AP1M1: variants seen among roughly 807,000 people sequenced by gnomAD.
AP1M1 encodes the protein adaptor related protein complex 1 subunit mu 1.
AP1M1 carries 18 observed loss-of-function variants against 57.1 expected under a neutral mutation model. The observed-to-expected ratio is 0.32, with a 90% CI of 0.22 to 0.47. AP1M1 has a LOEUF of 0.47. AP1M1 is among the 20% of genes least tolerant of loss of function. The pLI is 1.00. For missense variants in AP1M1, 362 were observed against 593.5 expected (o/e 0.61, Z 4.05); for synonymous variants, 241 against 237.9 (o/e 1.01, Z -0.12).
chr19:16,204,437 A>G (rs1273185870), intron 2 of AP1M1, among the ~76,000 whole-genome samples: 2 of 152,166 alleles, frequency 1.3e-5, no homozygotes, highest in Non-Finnish European at 2.9e-5. Flanking sequence ...TCCAGCAGCC[A>G]TGGGGGATCC....
chr19:16,226,398 C>T (rs763154481), intron 5 of AP1M1, 23 bp from the exon 6 acceptor site: 4 of 1,516,568 alleles, frequency 2.6e-6, no homozygotes, highest in Admixed American at 2.0e-5. Context: ...GACCTCCCCT[C>T]ACGCCCACAC....
In AP1M1 at chr19:16,235,438, C is replaced by T. The variant is rs746919444; in HGVS notation, c.*1003C>T. Reference sequence around the variant, plus strand: ...GTCGCCGACCTTCCCTGTGGCCCCACGAGGTGTCACCAGCTCCCTCTGCTT... The same window carrying T: ...GTCGCCGACCTTCCCTGTGGCCCCATGAGGTGTCACCAGCTCCCTCTGCTT... On this transcript the variant is annotated 3_prime_UTR_variant, in exon 12 of 12. Coordinates refer to ENST00000291439, the MANE Select transcript of AP1M1 (RefSeq NM_032493.4). 6.6e-6 allele frequency: 1 copy of T among 152,256 alleles called. No individual in the cohort carries two copies. Among genetic ancestry groups the T allele is most frequent in the African/African-American group, 2.4e-5 (1 of 41,450 alleles). The allele number at this position is 152,256 out of a possible 1,614,324, so 9.4% of individuals were successfully genotyped here.
Position 16,226,410 on chromosome 19 carries a change from G to A in AP1M1, c.547-11G>A, listed in dbSNP as rs372660140. 7 of 1,523,110 alleles carry A rather than the reference G, an allele frequency of 4.6e-6. No individual in the cohort carries two copies. Among genetic ancestry groups the A allele is most frequent in the Non-Finnish European group, 5.3e-6 (6 of 1,131,316 alleles). 94.3% of individuals were successfully genotyped at this position (1,523,110 alleles called of 1,614,324 possible). ...GGGGACCTCCCCTCACGCCCACACC[G>A]CCACCCCCAGGTCAGCGCCAACGGC... On this transcript the variant is annotated splice_polypyrimidine_tract_variant and intron_variant, in intron 5 of 11. Coordinates refer to ENST00000291439, the MANE Select transcript of AP1M1 (RefSeq NM_032493.4).
At chr19:16,218,185 A>G (rs985379654) in intron 5 of AP1M1, among the ~76,000 whole-genome samples, 6 of 152,238 alleles carry the variant, frequency 3.9e-5, no homozygotes, top group Admixed American at 1.3e-4. Flanking sequence ...GCCCCGCTCC[A>G]TAGGGAGCAG....
chr19:16,214,154 T>A (rs1355170841), intron 5 of AP1M1, among the ~76,000 whole-genome samples: 1 of 151,470 alleles, frequency 6.6e-6, no homozygotes, highest in South Asian at 2.1e-4. Flanking sequence ...GTTCAAGTGA[T>A]TCTCCTGCCT....
At position 16,243,165 on chromosome 19, in the gene AP1M1, C is replaced by G. The variant is rs2091651201; in HGVS notation, c.*8730C>G. On this transcript the variant is annotated 3_prime_UTR_variant, in exon 12 of 12. Coordinates refer to ENST00000291439, the MANE Select transcript of AP1M1 (RefSeq NM_032493.4). Reference sequence around the variant, plus strand: ...AAGAATTATTATTAGAGTTCCCACTCTCTGAGGAATTTTCAAGAGAAATTA... The same window carrying G: ...AAGAATTATTATTAGAGTTCCCACTGTCTGAGGAATTTTCAAGAGAAATTA... 6.6e-6 allele frequency: 1 copy of G among 152,138 alleles called. No individual in the cohort carries two copies. The highest frequency in any genetic ancestry group is 2.4e-5 in the African/African-American group (1 of 41,428). 9.4% of individuals were successfully genotyped at this position (152,138 alleles called of 1,614,324 possible).
Position 16,207,533 on chromosome 19 carries a change from C to T in AP1M1, c.268-486C>T, listed in dbSNP as rs540924705. On this transcript the variant is annotated intron_variant, in intron 3 of 11. Transcript: ENST00000291439. The surrounding 1 kb of genome is among the most constrained non-coding windows in gnomAD (Gnocchi z 4.2). ...CTTTCTGTTTTAGTGACGCTCCTTCCTTCAGCATTTGTGCCTGCAAAAGTG... is the reference window on the plus strand; with the variant it reads ...CTTTCTGTTTTAGTGACGCTCCTTCTTTCAGCATTTGTGCCTGCAAAAGTG... Among the ~76,000 whole-genome samples the T allele has an allele frequency of 1.2e-3, 180 of 152,334 alleles. 1 individual carries two copies. Among genetic ancestry groups the T allele is most frequent in the African/African-American group, 4.0e-3 (165 of 41,560 alleles).
chr19:16,198,064 G>T lies in AP1M1; in HGVS notation c.38G>T (p.Gly13Val). ...GCCGTCTACGTGCTGGACCTGAAGGGCAAGGTACTGAGGGCTCCCCACCCT... is the reference window on the plus strand; with the variant it reads ...GCCGTCTACGTGCTGGACCTGAAGGTCAAGGTACTGAGGGCTCCCCACCCT... Reference protein sequence around the residue: ...ASAVYVLDLKGKVLICRNYRG... With the variant: ...ASAVYVLDLKVKVLICRNYRG... The change falls in exon 1 of 12, where the codon GGC becomes GTC. Residue 13 changes from glycine to valine, a missense_variant. Physicochemically the swap from Gly to Val is moderately radical, Grantham distance 109 (BLOSUM62 -3). Around this residue, in one of 2 missense-constraint regions of AP1M1, gnomAD observed 337 missense variants for 511.1 expected, o/e 0.66. Transcript: ENST00000291439. 1 of 1,604,170 alleles carries T rather than the reference G, an allele frequency of 6.2e-7. No individual in the cohort carries two copies.
At chr19:16,222,368 T>C (rs1418700187) in intron 5 of AP1M1, among the ~76,000 whole-genome samples, 1 of 151,742 alleles carries the variant, frequency 6.6e-6, no homozygotes, top group African/African-American at 2.4e-5. Flanking sequence ...CCACCAAGCC[T>C]GGCTAATTTT....
At chr19:16,223,395 A>G (rs1334023617) in intron 5 of AP1M1, among the ~76,000 whole-genome samples, 1 of 152,142 alleles carries the variant, frequency 6.6e-6, no homozygotes, top group Non-Finnish European at 1.5e-5. Context: ...GACTTTCCTG[A>G]GCTTCTGGCT....
rs12461400 is a variant in AP1M1, at chr19:16,203,113, C to T, written c.43-346C>T. On this transcript the variant is annotated intron_variant, in intron 1 of 11. Transcript: ENST00000291439. This position sits in a 1 kb window ranked among gnomAD's most constrained non-coding sequence, Gnocchi z 4.6. ...GGCGGGAGAGCAAGGTGCGTTGGCC[C>T]GGCAAAGGCTCTGAGAAGGTCTGCA... 148,859 of 252,452 alleles carry T rather than the reference C, an allele frequency of 0.59. 48,235 individuals carry two copies. Among genetic ancestry groups the T allele is most frequent in the Non-Finnish European group, 0.71 (90,841 of 127,932 alleles). 15.6% of individuals were successfully genotyped at this position (252,452 alleles called of 1,614,324 possible). A position where few individuals can be genotyped will look rare whatever the true frequency, so the allele number is the denominator to read the frequency against.
intron 1 of AP1M1, among the ~76,000 whole-genome samples, chr19:16,202,337 C>T (rs541358039): frequency 2.0e-5 from 3 of 152,200 alleles, no homozygotes; most frequent in Non-Finnish European, 2.9e-5. Context: ...CATCTCCAAC[C>T]GCAGCCATGC....
chr19:16,198,636 T>C (rs2091434530), intron 1 of AP1M1, among the ~76,000 whole-genome samples: 1 of 151,962 alleles, frequency 6.6e-6, no homozygotes, highest in Non-Finnish European at 1.5e-5. Flanking sequence ...AACTGAGGCA[T>C]GGAGAGGTGA....
Position 16,236,802 on chromosome 19 carries a change from G to C in AP1M1, c.*2367G>C, listed in dbSNP as rs2091626591. 6.6e-6 allele frequency: 1 copy of C among 152,176 alleles called. No homozygotes were observed. The highest frequency in any genetic ancestry group is 2.1e-4 in the South Asian group (1 of 4,826). 9.4% of individuals were successfully genotyped at this position (152,176 alleles called of 1,614,324 possible). A position where few individuals can be genotyped will look rare whatever the true frequency, so the allele number is the denominator to read the frequency against. ...CCTAACTTCATGCCTTGTTACCTAAGATCCTCGCACACAATAGACCCTCAA... is the reference window on the plus strand; with the variant it reads ...CCTAACTTCATGCCTTGTTACCTAACATCCTCGCACACAATAGACCCTCAA... On this transcript the variant is annotated 3_prime_UTR_variant, in exon 12 of 12. Transcript: ENST00000291439.
At position 16,224,221 on chromosome 19, in the gene AP1M1, C is replaced by T. The variant is rs542411500; in HGVS notation, c.547-2200C>T. Among the ~76,000 whole-genome samples, 7 of 152,348 alleles carry T rather than the reference C, an allele frequency of 4.6e-5. No individual in the cohort carries two copies. The East Asian group carries it at 1.3e-3, about 29-fold the overall frequency. On this transcript the variant is annotated intron_variant, in intron 5 of 11. Transcript: ENST00000291439. ...TCCCCTCTCCCCTGGGGACTCTTGT[C>T]TGATTGTTTATTGAGCCGAAAACAG...
chr19:16,207,084 A>G lies in AP1M1; in HGVS notation c.267+676A>G, dbSNP rs1360543972. On this transcript the variant is annotated intron_variant, in intron 3 of 11. Transcript: ENST00000291439. The surrounding 1 kb of genome is among the most constrained non-coding windows in gnomAD (Gnocchi z 4.2). ...AGCAGCCTCTCTGGCTGCTGAGCAG[A>G]AGGAGGACTTGAGGCCAGTGAGGAG... Among the ~76,000 whole-genome samples, 4 of 151,966 alleles carry G rather than the reference A, an allele frequency of 2.6e-5. No individual in the cohort carries two copies. The highest frequency in any genetic ancestry group is 4.4e-5 in the Non-Finnish European group (3 of 68,030).
chr19:16,217,847 C>T (rs1239000318), intron 5 of AP1M1, among the ~76,000 whole-genome samples: 1 of 152,112 alleles, frequency 6.6e-6, no homozygotes, highest in Non-Finnish European at 1.5e-5. Context: ...GAGTTCTGCC[C>T]CGCCTGAGGT....
At position 16,226,543 on chromosome 19, in the gene AP1M1, G is replaced by A. The variant is rs147795014; in HGVS notation, c.669G>A (p.Thr223=). The change falls in exon 6 of 12, where the codon ACG becomes ACA. Residue 223 remains threonine (T), a synonymous_variant. Coordinates refer to ENST00000291439, the MANE Select transcript of AP1M1 (RefSeq NM_032493.4). Reference sequence around the variant, plus strand: ...ACGACAAGGTCCTCTTTGACAACACGGGCCGTGAGTACCCTTGCCAAGGGC... The same window carrying A: ...ACGACAAGGTCCTCTTTGACAACACAGGCCGTGAGTACCCTTGCCAAGGGC... ...GLNDKVLFDN[T]GRGKSKSVEL... 17 of 1,582,944 alleles carry A rather than the reference G, an allele frequency of 1.1e-5. No individual in the cohort carries two copies. Among genetic ancestry groups the A allele is most frequent in the East Asian group, 9.1e-5 (4 of 43,770 alleles).
rs946058540 is a variant in AP1M1, at chr19:16,227,798, T to C, written c.816+108T>C. On this transcript the variant is annotated intron_variant, in intron 7 of 11. Transcript: ENST00000291439. The surrounding 1 kb of genome is among the most constrained non-coding windows in gnomAD (Gnocchi z 6.2). ...AGGGCCAGCCCCACCCCACGCTCCA[T>C]GAGCTGCCTGGCTCTGCAGAGATGG... 123 of 1,368,604 alleles carry C rather than the reference T, an allele frequency of 9.0e-5. No homozygotes were observed. The highest frequency in any genetic ancestry group is 1.2e-4 in the Non-Finnish European group (122 of 990,588). 84.8% of individuals were successfully genotyped at this position (1,368,604 alleles called of 1,614,324 possible).
Sources: allele counts gnomAD v4.1 joint callset (sites outside exome capture counted in the v4.1 genomes callset), GRCh38; gene constraint gnomAD v4.1.1; regional missense constraint gnomAD v4.1.1; non-coding constraint Gnocchi (gnomAD v3.1); transcripts MANE v1.5; gene names NCBI Gene and HGNC (gene_info 2026-07-23, HGNC 2026-07-21).